PDLIM5: variants seen among roughly 807,000 people sequenced by gnomAD.
PDLIM5 encodes the protein PDZ and LIM domain protein 5.
PDLIM5 carries 34 observed loss-of-function variants against 64.2 expected under a neutral mutation model. The observed-to-expected ratio is 0.53, with a 90% CI of 0.40 to 0.71. The LOEUF (loss-of-function observed/expected upper bound fraction) is 0.71, where lower values mean the gene tolerates loss of function less well. PDLIM5 is among the 30% of genes least tolerant of loss of function. The pLI is 0.00. For missense variants in PDLIM5, 683 were observed against 733.6 expected (o/e 0.93, Z 0.80); for synonymous variants, 253 against 269.1 (o/e 0.94, Z 0.59).
chr4:94,597,358 G>T lies in PDLIM5; in HGVS notation c.920+10914G>T, dbSNP rs118061347. ...AATCAGCAAAGCTCTTAGCAGGGAT[G>T]TTGGAGCAGCATCACAGGTATGTTT... is the stretch of plus-strand genomic sequence containing the variant. On this transcript the variant is annotated intron_variant, in intron 7 of 12. Coordinates refer to ENST00000317968, the MANE Select transcript of PDLIM5 (RefSeq NM_006457.5). Among the ~76,000 whole-genome samples, 76 of 151,910 alleles carry T rather than the reference G, an allele frequency of 5.0e-4. No individual in the cohort carries two copies. The East Asian group carries it at 0.012, about 24-fold the overall frequency.
intron 8 of PDLIM5, among the ~76,000 whole-genome samples, chr4:94,637,962 C>G (rs1287652280): frequency 6.6e-6 from 1 of 152,164 alleles, no homozygotes; most frequent in Non-Finnish European, 1.5e-5. Flanking sequence ...GAAACATTTT[C>G]TATGAAACAG....
intron 4 of PDLIM5, chr4:94,573,700 G>A: frequency 3.1e-6 from 1 of 320,000 alleles, no homozygotes; most frequent in South Asian, 5.6e-5. Flanking sequence ...TTTCTAAAGA[G>A]AATAAATAAG....
chr4:94,614,096 G>A (rs1487878582), intron 7 of PDLIM5, among the ~76,000 whole-genome samples: 1 of 151,686 alleles, frequency 6.6e-6, no homozygotes, highest in Non-Finnish European at 1.5e-5. Context: ...CCGAGTAGCT[G>A]GGACTTCAGG....
chr4:94,575,655 TCTC>T lies in PDLIM5; in HGVS notation c.334_336del (p.Pro112del), dbSNP rs1379952473. The T allele has an allele frequency of 4.4e-6, 7 of 1,605,574 alleles. No homozygotes were observed. Among genetic ancestry groups the T allele is most frequent in the Non-Finnish European group, 6.0e-6 (7 of 1,174,396 alleles). ...AGTAGTTAAACCTGTGCCCATTACA[TCTC>T]CTGCTGTGTCCAAAGTCACTTCCAC... On this transcript the variant is annotated inframe_deletion, in exon 5 of 13. Coordinates refer to ENST00000317968, the MANE Select transcript of PDLIM5 (RefSeq NM_006457.5).
At chr4:94,514,769 TTA>T (rs1472998942) in intron 2 of PDLIM5, among the ~76,000 whole-genome samples, 1 of 152,152 alleles carries the variant, frequency 6.6e-6, no homozygotes, top group Non-Finnish European at 1.5e-5. Context: ...TCTTGGTAAG[TTA>T]TATGTGTCTA....
chr4:94,482,031 A>G (rs1276394035), intron 2 of PDLIM5, among the ~76,000 whole-genome samples: 3 of 152,118 alleles, frequency 2.0e-5, no homozygotes, highest in Admixed American at 6.5e-5. Context: ...AATTTTATTT[A>G]AAGTGTTATA....
chr4:94,522,551 T>G (rs1224253335), intron 2 of PDLIM5, among the ~76,000 whole-genome samples: 1 of 152,078 alleles, frequency 6.6e-6, no homozygotes, highest in Non-Finnish European at 1.5e-5. Flanking sequence ...GATTTTTGTA[T>G]TTTTGGTAGA....
chr4:94,657,894 C>A (rs1047967079), intron 11 of PDLIM5, among the ~76,000 whole-genome samples: 8 of 152,054 alleles, frequency 5.3e-5, no homozygotes, highest in African/African-American at 1.4e-4. Context: ...TTAGTAGAGA[C>A]AGGGTTTCGT....
intron 2 of PDLIM5, among the ~76,000 whole-genome samples, chr4:94,468,666 C>T (rs1246359750): frequency 3.3e-5 from 5 of 152,078 alleles, no homozygotes; most frequent in African/African-American, 1.2e-4. Flanking sequence ...ATCAAAGACT[C>T]ATGAGAATAA....
chr4:94,630,654 C>T (rs775809677), intron 8 of PDLIM5, among the ~76,000 whole-genome samples: 5 of 152,004 alleles, frequency 3.3e-5, no homozygotes, highest in African/African-American at 7.2e-5. Flanking sequence ...GGATAATAGG[C>T]GTGAGCTACT....
chr4:94,519,422 A>T (rs1461002629), intron 2 of PDLIM5, among the ~76,000 whole-genome samples: 1 of 152,188 alleles, frequency 6.6e-6, no homozygotes, highest in Non-Finnish European at 1.5e-5. Flanking sequence ...CAAAGAGTGG[A>T]AGCTGGGACT....
chr4:94,523,751 G>A lies in PDLIM5; in HGVS notation c.124G>A (p.Ala42Thr). 1 of 1,613,136 alleles carries A rather than the reference G, an allele frequency of 6.2e-7. No individual in the cohort carries two copies. The highest frequency in any genetic ancestry group is 8.5e-7 in the Non-Finnish European group (1 of 1,179,216). The change falls in exon 3 of 13, where the codon GCA becomes ACA. Residue 42 changes from alanine (A) to threonine (T), a missense_variant. Coordinates refer to ENST00000317968, the MANE Select transcript of PDLIM5 (RefSeq NM_006457.5). ...SLKDGGKAAQ[A>T]NVRIGDVVLS... The stretch of plus-strand genomic sequence containing the variant: ...AAAAGATGGCGGCAAGGCAGCCCAG[G>A]CAAATGTAAGAATAGGCGATGTGGT...
chr4:94,636,264 GATAAA>G (rs1459896080), intron 8 of PDLIM5, among the ~76,000 whole-genome samples: 1 of 152,072 alleles, frequency 6.6e-6, no homozygotes, highest in East Asian at 1.9e-4. Context: ...TAGATAATGT[GATAAA>G]ATAAAGGCAT....
chr4:94,462,490 T>C (rs1392582302), intron 2 of PDLIM5, among the ~76,000 whole-genome samples: 1 of 151,920 alleles, frequency 6.6e-6, no homozygotes, highest in Non-Finnish European at 1.5e-5. Flanking sequence ...TTCCTATTGA[T>C]AGACAATTAG....
In PDLIM5 at chr4:94,668,101, A is replaced by T. The variant is rs1333844502; in HGVS notation, c.*4034A>T. On this transcript the variant is annotated 3_prime_UTR_variant, in exon 13 of 13. Coordinates refer to ENST00000317968, the MANE Select transcript of PDLIM5 (RefSeq NM_006457.5). ...CTATCTTCTGTCTCTTTAATTTTGT[A>T]TATCTGCTGTTTTGCTTTTGGATAC... 1.3e-5 allele frequency: 2 copies of T among 152,116 alleles called. No individual in the cohort carries two copies. The highest frequency in any genetic ancestry group is 1.3e-4 in the Admixed American group (2 of 15,256). The allele number at this position is 152,116 out of a possible 1,614,324, so 9.4% of individuals were successfully genotyped here.
Position 94,648,972 on chromosome 4 carries a change from A to ATTTTGG in PDLIM5, c.1284-5477_1284-5472dup, listed in dbSNP as rs1208454140. On this transcript the variant is annotated intron_variant, in intron 9 of 12. Transcript: ENST00000317968. ...TAGGGGATGTAATTGTTTTTTTTTG[A>ATTTTGG]TTTTGGTTTTGGTTTTTTTTTGAGA... 2.0e-5 allele frequency among the ~76,000 whole-genome samples: 3 copies of ATTTTGG among 149,368 alleles called. No individual in the cohort carries two copies. In the East Asian group the frequency reaches 6.0e-4, roughly 30 times the overall value.
intron 2 of PDLIM5, among the ~76,000 whole-genome samples, chr4:94,466,510 G>T (rs916958571): frequency 1.3e-5 from 2 of 152,076 alleles, no homozygotes; most frequent in Non-Finnish European, 2.9e-5. Flanking sequence ...ACCTGCACCA[G>T]TTGGGTTCCA....
intron 8 of PDLIM5, among the ~76,000 whole-genome samples, chr4:94,631,010 T>C (rs767290128): frequency 6.6e-6 from 1 of 151,972 alleles, no homozygotes; most frequent in Non-Finnish European, 1.5e-5. Context: ...TGGACTCAAG[T>C]TATCCTCCTG....
In PDLIM5 at chr4:94,459,414, T is replaced by C. The variant is rs557768619; in HGVS notation, c.96+4030T>C. On this transcript the variant is annotated intron_variant, in intron 2 of 12. Coordinates refer to ENST00000317968, the MANE Select transcript of PDLIM5 (RefSeq NM_006457.5). ...AGAGTTAGGGGAGGATAAATTGTTA[T>C]AAGCTTGGACAAAATTCTAATTGGA... is the stretch of plus-strand genomic sequence containing the variant. Among the ~76,000 whole-genome samples the C allele has an allele frequency of 8.5e-5, 13 of 152,342 alleles. No homozygotes were observed. In the South Asian group the frequency reaches 2.1e-3, roughly 24 times the overall value.
Sources: gnomAD v4.1 joint callset for allele counts (sites outside exome capture counted in the v4.1 genomes callset) on GRCh38, gnomAD v4.1.1 for gene constraint, MANE v1.5 for transcripts, NCBI Gene and HGNC (gene_info 2026-07-23, HGNC 2026-07-21) for gene names.